TOP1MT: variants seen among roughly 807,000 people sequenced by gnomAD.
The protein encoded by TOP1MT is DNA topoisomerase I, mitochondrial.
In TOP1MT, 80 loss-of-function variants were observed where a neutral mutation model predicts 73.9. The ratio of observed to expected loss-of-function variants is 1.08; its 90% confidence interval spans 0.90 to 1.30. The LOEUF (loss-of-function observed/expected upper bound fraction) is 1.30, where lower values mean the gene tolerates loss of function less well. Among genes scored for constraint, TOP1MT ranks in the 50% most tolerant of loss-of-function variants. The pLI is 0.00. For missense variants in TOP1MT, 815 were observed against 808.0 expected (o/e 1.01, Z -0.10); for synonymous variants, 338 against 326.4 (o/e 1.04, Z -0.38).
At chr8:143,332,654 G>T in intron 1 of TOP1MT, 1 of 1,043,616 alleles carries the variant, frequency 9.6e-7, no homozygotes, top group Non-Finnish European at 1.3e-6. Context: ...CTTTCTGGCT[G>T]TTTCTGCAGA....
intron 8 of TOP1MT, among the ~76,000 whole-genome samples, chr8:143,319,813 T>G (rs1480705991): frequency 1.5e-5 from 2 of 129,350 alleles, no homozygotes; most frequent in South Asian, 3.2e-4. Flanking sequence ...AACCTCAGAA[T>G]GTAACCTTTT....
chr8:143,310,531 A>C, intron 12 of TOP1MT: 1 of 253,692 alleles, frequency 3.9e-6, no homozygotes, highest in South Asian at 1.6e-4. Context: ...CAGCGAGACC[A>C]GGCCCGAGAA....
chr8:143,325,659 C>T (rs1456440533), intron 4 of TOP1MT, 126 bp from the exon 5 acceptor site: 1 of 889,764 alleles, frequency 1.1e-6, no homozygotes, highest in African/African-American at 1.7e-5. Flanking sequence ...CAAAGCCCTT[C>T]ACAATCCATG....
At chr8:143,317,988 C>T (rs1205841399) in intron 9 of TOP1MT, 30 bp downstream of exon 9, 1 of 1,613,462 alleles carries the variant, frequency 6.2e-7, no homozygotes, top group South Asian at 1.1e-5. Flanking sequence ...CTGCCGCCGC[C>T]CACTGCTGAG....
chr8:143,341,114 G>T lies in TOP1MT; in HGVS notation c.29+2106C>A, dbSNP rs1183284781. 6.6e-6 allele frequency among the ~76,000 whole-genome samples: 1 copy of T among 152,168 alleles called. No homozygotes were observed. Among genetic ancestry groups the T allele is most frequent in the African/African-American group, 2.4e-5 (1 of 41,436 alleles). ...CGCTCCCCACAGCTGAGGGTCTCAG[G>T]CTTGCCCCTAGCGTCCCCGCCACCC... On this transcript the variant is annotated intron_variant, in intron 2 of 5. Transcript: ENST00000518007. This position sits in a 1 kb window ranked among gnomAD's most constrained non-coding sequence, Gnocchi z 4.1.
intron 2 of TOP1MT, among the ~76,000 whole-genome samples, chr8:143,340,523 T>C (rs1260969327): frequency 6.6e-6 from 1 of 152,042 alleles, no homozygotes; most frequent in Non-Finnish European, 1.5e-5. Flanking sequence ...CTCCCCCTCC[T>C]TCCACTTCTC....
intron 3 of TOP1MT, 139 bp downstream of exon 3, chr8:143,329,211 G>C: frequency 2.1e-6 from 2 of 954,510 alleles, no homozygotes; most frequent in Non-Finnish European, 3.1e-6. Flanking sequence ...AAGCTGCAAA[G>C]AGCCATGACG....
intron 2 of TOP1MT, among the ~76,000 whole-genome samples, chr8:143,342,759 AGAGACAGAG>A (rs1563771957): frequency 0.047 from 3,226 of 69,258 alleles, 213 homozygotes; most frequent in Non-Finnish European, 0.088. Flanking sequence ...TATTATTATT[AGAGACAGAG>A]TCTTGCTCTA....
At position 143,334,726 on chromosome 8, in the gene TOP1MT, C is replaced by A. The variant is rs537150477; in HGVS notation, c.122+14G>T. 9 of 1,600,366 alleles carry A rather than the reference C, an allele frequency of 5.6e-6. No homozygotes were observed. The highest frequency in any genetic ancestry group is 1.4e-5 in the African/African-American group (1 of 72,442). On this transcript the variant is annotated intron_variant, in intron 1 of 13. Transcript: ENST00000329245. ...GCTCAGGGCCCTCGCCGCCTGCTCA[C>A]TGGGACACCTTACCTGGCTCCACTG...
chr8:143,345,588 C>T (rs977717945), upstream of TOP1MT, among the ~76,000 whole-genome samples: 2 of 152,222 alleles, frequency 1.3e-5, no homozygotes, highest in African/African-American at 4.8e-5. Flanking sequence ...GAGAGTTTTT[C>T]ACTGTTTTAA....
intron 10 of TOP1MT, among the ~76,000 whole-genome samples, chr8:143,317,189 G>A (rs1240467403): frequency 6.6e-6 from 1 of 152,228 alleles, no homozygotes; most frequent in Non-Finnish European, 1.5e-5. Context: ...GGACATCACA[G>A]AGCAGCCCGG....
At chr8:143,320,295 A>AT (rs971043764) in intron 8 of TOP1MT, among the ~76,000 whole-genome samples, 1 of 151,420 alleles carries the variant, frequency 6.6e-6, no homozygotes, top group African/African-American at 2.4e-5. Flanking sequence ...TGCCCGGCTA[A>AT]TTTTTTTTGT....
chr8:143,322,671 ACACG>A (rs1816505709), intron 7 of TOP1MT, among the ~76,000 whole-genome samples: 2 of 121,514 alleles, frequency 1.6e-5, no homozygotes, highest in African/African-American at 3.8e-5. Flanking sequence ...CGCACGCCAC[ACACG>A]CACGCCACAC....
At chr8:143,342,706 TCTCGC>T (rs1293233765) in intron 2 of TOP1MT, among the ~76,000 whole-genome samples, 9 of 118,866 alleles carry the variant, frequency 7.6e-5, no homozygotes, top group South Asian at 3.1e-4. Flanking sequence ...AGAGACAGAG[TCTCGC>T]TGTTATTATT....
upstream of TOP1MT, among the ~76,000 whole-genome samples, chr8:143,347,356 CAT>C (rs1563773517): frequency 1.3e-5 from 2 of 152,208 alleles, no homozygotes; most frequent in African/African-American, 2.4e-5. Flanking sequence ...AGGGTTTCAC[CAT>C]GTTAGCCAGG....
At chr8:143,338,566 C>CA (rs57834607), upstream of TOP1MT, among the ~76,000 whole-genome samples, 607 of 129,958 alleles carry the variant, frequency 4.7e-3, 2 homozygotes, top group South Asian at 8.0e-3. Context: ...GACTCCGTCT[C>CA]AAAAAAAAAA....
chr8:143,331,094 G>A (rs1816841154), intron 2 of TOP1MT, 130 bp downstream of exon 2: 1 of 666,156 alleles, frequency 1.5e-6, no homozygotes, highest in African/African-American at 1.8e-5. Flanking sequence ...TCACCTGCAA[G>A]AAGAGGGCAC....
rs776797089 is a variant in TOP1MT at position 143,329,451 on chromosome 8, C to T, written c.259G>A (p.Val87Met). 2.9e-5 allele frequency: 46 copies of T among 1,610,534 alleles called. No individual in the cohort carries two copies. The Admixed American group carries it at 3.4e-4, about 12-fold the overall frequency. Residue 87 changes from valine to methionine, a missense_variant, in exon 3 of 14, where the codon GTG (valine) becomes ATG (methionine). Around this residue, in one of 3 missense-constraint regions of TOP1MT, gnomAD observed 751 missense variants for 725.4 expected, o/e 1.04. Coordinates refer to ENST00000329245, the MANE Select transcript of TOP1MT (RefSeq NM_052963.3). ...FYEGRPVRLSVAAEEVATFYG... is the reference protein window; with the variant it reads ...FYEGRPVRLSMAAEEVATFYG... ...AAAGTGGCGACCTCCTCCGCTGCCACGCTCAATCTCACAGGCCTTCCTGCA... is the reference window on the plus strand; with the variant it reads ...AAAGTGGCGACCTCCTCCGCTGCCATGCTCAATCTCACAGGCCTTCCTGCA...
intron 13 of TOP1MT, 169 bp from the exon 14 acceptor site, chr8:143,309,712 C>A (rs756385232): frequency 6.6e-7 from 1 of 1,523,916 alleles, no homozygotes; most frequent in Non-Finnish European, 8.8e-7. Flanking sequence ...CATGCCGCCA[C>A]CCTGGAGCAT....
Sources: gnomAD v4.1 joint callset for allele counts (sites outside exome capture counted in the v4.1 genomes callset) on GRCh38, gnomAD v4.1.1 for gene constraint, gnomAD v4.1.1 regional missense constraint, Gnocchi (gnomAD v3.1) non-coding constraint, MANE v1.5 for transcripts, NCBI Gene and HGNC (gene_info 2026-07-23, HGNC 2026-07-21) for gene names.